HID1: variants seen among roughly 807,000 people sequenced by gnomAD.
HID1 encodes the protein HID1 domain containing.
Under a neutral mutation model 89.7 loss-of-function variants are expected in HID1, and 42 were observed. The observed-to-expected ratio is 0.47, with a 90% CI of 0.37 to 0.61. HID1 has a LOEUF of 0.61. Ranked by LOEUF, HID1 falls within the 20% of genes least tolerant of loss-of-function variation. The probability of loss-of-function intolerance (pLI) is 0.00; values close to 1 mark genes in which losing one functional copy is unlikely to be tolerated. For synonymous variants in HID1, 442 were observed against 433.8 expected, an observed-to-expected ratio of 1.02 and a Z score of -0.24; for missense variants, 854 against 1,039.3, an observed-to-expected ratio of 0.82 and a Z score of 2.45.
intron 6 of HID1, chr17:74,961,588 T>G: frequency 5.2e-6 from 1 of 193,966 alleles, no homozygotes; most frequent in East Asian, 1.1e-4. Flanking sequence ...TTTTAACTTT[T>G]TTAATTTTAA....
At chr17:74,964,769 A>C in intron 1 of HID1, 137 bp from the exon 2 acceptor site, 2 of 845,202 alleles carry the variant, frequency 2.4e-6, no homozygotes, top group Non-Finnish European at 3.6e-6. Flanking sequence ...GCCATCCCAC[A>C]TGGGTGGGGG....
At chr17:74,955,179 G>A (rs577047659) in intron 13 of HID1, among the ~76,000 whole-genome samples, 4 of 152,182 alleles carry the variant, frequency 2.6e-5, no homozygotes, top group Admixed American at 1.3e-4. Flanking sequence ...GCAGGCAGCC[G>A]GATGTCTGTG....
chr17:74,954,075 G>C, intron 14 of HID1, 63 bp downstream of exon 14: 1 of 1,448,044 alleles, frequency 6.9e-7, no homozygotes. Flanking sequence ...GACACCCCGA[G>C]ACCATGTCCC....
Position 74,960,009 on chromosome 17 carries a change from C to G in HID1, c.951+17G>C, listed in dbSNP as rs1202975862. 1 of 1,613,312 alleles carries G rather than the reference C, an allele frequency of 6.2e-7. No homozygotes were observed. On this transcript the variant is annotated intron_variant, in intron 7 of 18. Transcript: ENST00000425042. ...CCGTGGCCCCGGCAGCTGTCCCTTC[C>G]ATGCTCCCATCCTTACATCGGCATC... is the stretch of plus-strand genomic sequence containing the variant.
At position 74,953,578 on chromosome 17, in the gene HID1, C is replaced by T. The variant is rs1282403096; in HGVS notation, c.1938G>A (p.Gln646=). 1.9e-6 allele frequency: 3 copies of T among 1,614,062 alleles called. No homozygotes were observed. In the South Asian group the frequency reaches 3.3e-5, roughly 18 times the overall value. The change falls in exon 15 of 19, where the codon CAG becomes CAA. Residue 646 remains glutamine, a synonymous_variant. Transcript: ENST00000425042. ...GTLRSLEPEP[Q]QSLEDGSPAK... ...CCGGGCTGCCATCCTCCAAGCTCTG[C>T]TGGGGCTCAGGTTCCAGGGACCGCA...
intron 1 of HID1, among the ~76,000 whole-genome samples, chr17:74,967,594 G>T (rs1440760732): frequency 6.6e-6 from 1 of 151,670 alleles, no homozygotes; most frequent in Non-Finnish European, 1.5e-5. Flanking sequence ...TCACACCTGT[G>T]ATCCCAACAC....
In HID1 at chr17:74,963,757, C is replaced by T. The variant is rs762061892; in HGVS notation, c.370G>A (p.Gly124Arg). The T allele has an allele frequency of 1.2e-5, 20 of 1,610,826 alleles. No individual in the cohort carries two copies. The highest frequency in any genetic ancestry group is 1.4e-5 in the Non-Finnish European group (17 of 1,178,626). Residue 124 changes from glycine to arginine, a missense_variant, in exon 3 of 19, where the codon GGG becomes AGG. By Grantham distance (125) the Gly-to-Arg change is moderately radical. Transcript: ENST00000425042. The stretch of plus-strand genomic sequence containing the variant: ...CCACAGACCCCTCCTCGCCCTGCCC[C>T]GGGCACTGTGGACCAGAAGAAGCCC... Reference protein sequence around the residue: ...WRGFFWSTVPGAGRGGQGEED... With the variant: ...WRGFFWSTVPRAGRGGQGEED...
In HID1 at chr17:74,961,922, T is replaced by C. The variant is rs748137995; in HGVS notation, c.679A>G (p.Ser227Gly). ...TGAACCCATGGGTTGGTGCTGCCAC[T>C]TTCCGGAGCTGGGGGCAGGTACATG... ...EAMYLPPAPE[S>G]GSTNPWVQFF... Residue 227 changes from serine (S) to glycine (G), a missense_variant, in exon 6 of 19, where the codon AGT (serine) becomes GGT (glycine). Coordinates refer to ENST00000425042, the MANE Select transcript of HID1 (RefSeq NM_030630.3). 4 of 1,604,252 alleles carry C rather than the reference T, an allele frequency of 2.5e-6. No homozygotes were observed. In the African/African-American group the frequency reaches 4.0e-5, roughly 16 times the overall value.
Position 74,953,638 on chromosome 17 carries a change from C to T in HID1, c.1878G>A (p.Leu626=). 6.2e-7 allele frequency: 1 copy of T among 1,614,094 alleles called. No homozygotes were observed. Among genetic ancestry groups the T allele is most frequent in the Non-Finnish European group, 8.5e-7 (1 of 1,179,942 alleles). Residue 626 remains leucine, a synonymous_variant, in exon 15 of 19, where the codon CTG becomes CTA. Transcript: ENST00000425042. ...CCTCTGACACCTGGGACTTCTCGGT[C>T]AGCTTGTCAATGCCTGGGCAGGGCA... is the stretch of plus-strand genomic sequence containing the variant. ...SLVATPGIDK[L]TEKSQVSEDG...
At position 74,962,905 on chromosome 17, in the gene HID1, G is replaced by C. The variant is rs7503218; in HGVS notation, c.504+60C>G. On this transcript the variant is annotated intron_variant, in intron 4 of 18. Coordinates refer to ENST00000425042, the MANE Select transcript of HID1 (RefSeq NM_030630.3). The surrounding 1 kb of genome is among the most constrained non-coding windows in gnomAD (Gnocchi z 4.3). The stretch of plus-strand genomic sequence containing the variant: ...CGCCCAAGGGAACTTCAACTGGCCC[G>C]GCCCCAACCCAGGACCAGAGCCTAC... The C allele has an allele frequency of 0.49, 636,025 of 1,291,792 alleles. 168,887 individuals are homozygous for C. The highest frequency in any genetic ancestry group is 0.56 in the Non-Finnish European group (507,706 of 909,522). 80.0% of individuals were successfully genotyped at this position (1,291,792 alleles called of 1,614,324 possible). A position where few individuals can be genotyped will look rare whatever the true frequency, so the allele number is the denominator to read the frequency against.
intron 1 of HID1, among the ~76,000 whole-genome samples, chr17:74,967,103 G>C (rs2039574463): frequency 6.6e-6 from 1 of 151,998 alleles, no homozygotes; most frequent in African/African-American, 2.4e-5. Context: ...GCTGGGTGTG[G>C]TGGTGCATGC....
rs73363079 is a variant in HID1 at position 74,953,341 on chromosome 17, C to T, written c.1971+204G>A. On this transcript the variant is annotated intron_variant, in intron 15 of 18. Coordinates refer to ENST00000425042, the MANE Select transcript of HID1 (RefSeq NM_030630.3). ...GAAGTCTGAAGGCCAAGGGCTTCAC[C>T]GGAACCAGTAAACAAGGGAGGGGTC... Among the ~76,000 whole-genome samples the T allele has an allele frequency of 0.06, 9,060 of 152,224 alleles. 931 individuals carry two copies. The highest frequency in any genetic ancestry group is 0.2 in the African/African-American group (8,467 of 41,502).
chr17:74,963,661 G>A (rs967967402), intron 3 of HID1, 79 bp downstream of exon 3: 2 of 1,370,948 alleles, frequency 1.5e-6, no homozygotes, highest in African/African-American at 2.9e-5. Context: ...AGGCTTGGAG[G>A]AGCATGGCCG....
intron 13 of HID1, 101 bp downstream of exon 13, chr17:74,955,690 GC>G: frequency 9.3e-7 from 1 of 1,073,130 alleles, no homozygotes; most frequent in Non-Finnish European, 1.4e-6. Flanking sequence ...AGGCAAGCAG[GC>G]CAGCACCTCC....
At chr17:74,970,137 G>A (rs1037089908) in intron 1 of HID1, among the ~76,000 whole-genome samples, 4 of 148,924 alleles carry the variant, frequency 2.7e-5, no homozygotes, top group Non-Finnish European at 6.0e-5. Flanking sequence ...GGCTGGTCTC[G>A]AACTCCTGAC....
In HID1 at chr17:74,953,130, G is replaced by A. The variant is rs199804781; in HGVS notation, c.1972-44C>T. 1.1e-5 allele frequency: 16 copies of A among 1,483,296 alleles called. No homozygotes were observed. In the East Asian group the frequency reaches 3.6e-4, roughly 33 times the overall value. 91.9% of individuals were successfully genotyped at this position (1,483,296 alleles called of 1,614,324 possible). A position where few individuals can be genotyped will look rare whatever the true frequency, so the allele number is the denominator to read the frequency against. On this transcript the variant is annotated intron_variant, in intron 15 of 18. Transcript: ENST00000425042. ...CAGGGGTGAGGGATGGTGGCGGTGG[G>A]TGAGGGGTGGAGTGGGGGGCAATGA...
intron 2 of HID1, 96 bp downstream of exon 2, chr17:74,964,387 T>G (rs2039530878): frequency 7.5e-7 from 1 of 1,339,682 alleles, no homozygotes; most frequent in African/African-American, 1.4e-5. Context: ...CAGGGCTGCC[T>G]GCCCCTGTGG....
At chr17:74,961,799 C>G in intron 6 of HID1, 74 bp downstream of exon 6, 2 of 895,162 alleles carry the variant, frequency 2.2e-6, no homozygotes. Flanking sequence ...AGACCCAGAG[C>G]TGGCGAATGG....
rs570684504 is a variant in HID1, at chr17:74,963,980, G to T, written c.217-70C>A. ...AAGGACCCTGGCACTTGGGGTCAGG[G>T]TGGGCACCCAGGCTGCAGAGGAGGG... is the stretch of plus-strand genomic sequence containing the variant. On this transcript the variant is annotated intron_variant, in intron 2 of 18. Transcript: ENST00000425042. 1.2e-5 allele frequency: 19 copies of T among 1,557,028 alleles called. No homozygotes were observed. The Admixed American group carries it at 3.1e-4, about 25-fold the overall frequency.
Sources: gnomAD v4.1 joint callset for allele counts (sites outside exome capture counted in the v4.1 genomes callset) on GRCh38, gnomAD v4.1.1 for gene constraint, Gnocchi (gnomAD v3.1) non-coding constraint, MANE v1.5 for transcripts, NCBI Gene and HGNC (gene_info 2026-07-23, HGNC 2026-07-21) for gene names.